Variants in TMEM266 observed in about 807,000 individuals in gnomAD.
TMEM266 encodes the protein transmembrane protein 266, also known as Hv1 related protein 1.
Under a neutral mutation model 50.5 loss-of-function variants are expected in TMEM266, and 33 were observed. The observed-to-expected ratio is 0.65, with a 90% confidence interval of 0.50 to 0.87. TMEM266 has a LOEUF of 0.87. TMEM266 is among the 40% of genes least tolerant of loss of function. The pLI is 0.00. For missense variants in TMEM266, 655 were observed against 695.1 expected (o/e 0.94, Z 0.65); for synonymous variants, 310 against 292.3 (o/e 1.06, Z -0.62).
At chr15:76,181,932 C>A (rs1277045827) in intron 8 of TMEM266, among the ~76,000 whole-genome samples, 1 of 152,182 alleles carries the variant, frequency 6.6e-6, no homozygotes, top group Non-Finnish European at 1.5e-5. Context: ...TATGATCTGA[C>A]CTGGCCCACT....
chr15:76,108,870 AC>A (rs1243137266), intron 1 of TMEM266, among the ~76,000 whole-genome samples: 1 of 152,220 alleles, frequency 6.6e-6, no homozygotes, highest in African/African-American at 2.4e-5. Flanking sequence ...AATTCAGGGT[AC>A]AAGTCTCCTA....
chr15:76,116,767 T>G (rs904375223), intron 1 of TMEM266, among the ~76,000 whole-genome samples: 1 of 152,196 alleles, frequency 6.6e-6, no homozygotes, highest in Non-Finnish European at 1.5e-5. Context: ...TATGTCATCC[T>G]GTAACCTGCT....
At chr15:76,070,577 C>T (rs1401334029) in intron 1 of TMEM266, among the ~76,000 whole-genome samples, 1 of 152,144 alleles carries the variant, frequency 6.6e-6, no homozygotes, top group East Asian at 1.9e-4. Context: ...CTAGGTACAG[C>T]TCAAGTACTC....
At chr15:76,138,222 CAAAAAAAAAAA>C (rs376580547) in intron 3 of TMEM266, among the ~76,000 whole-genome samples, 1 of 71,882 alleles carries the variant, frequency 1.4e-5, no homozygotes, top group South Asian at 6.9e-4. Flanking sequence ...AACTCTGTCT[CAAAAAAAAAAA>C]AAAAAAAAAA....
chr15:76,085,852 G>C (rs571294703), intron 1 of TMEM266, among the ~76,000 whole-genome samples: 1 of 152,118 alleles, frequency 6.6e-6, no homozygotes, highest in Non-Finnish European at 1.5e-5. Context: ...TTTGAGACCA[G>C]TCTGGCCAAC....
At chr15:76,183,871 C>G (rs1335146452) in intron 8 of TMEM266, among the ~76,000 whole-genome samples, 3 of 152,194 alleles carry the variant, frequency 2.0e-5, no homozygotes, top group Non-Finnish European at 4.4e-5. Flanking sequence ...CCCCCTCCAT[C>G]CCCTTCGCTG....
chr15:76,184,591 A>G (rs968783916), intron 8 of TMEM266, among the ~76,000 whole-genome samples: 17 of 152,276 alleles, frequency 1.1e-4, no homozygotes, highest in African/African-American at 4.1e-4. Flanking sequence ...AGGATGGAGC[A>G]GAATTACTGC....
intron 8 of TMEM266, among the ~76,000 whole-genome samples, chr15:76,188,958 T>C (rs2038527532): frequency 6.6e-6 from 1 of 152,106 alleles, no homozygotes; most frequent in South Asian, 2.1e-4. Context: ...AGGTGGAGGA[T>C]TGCTTGAGTC....
chr15:76,122,433 G>A (rs1182241946), intron 1 of TMEM266, among the ~76,000 whole-genome samples: 1 of 152,188 alleles, frequency 6.6e-6, no homozygotes, highest in Non-Finnish European at 1.5e-5. Flanking sequence ...AGTATGAAAA[G>A]TATTGAAGAA....
chr15:76,069,221 A>T (rs552681932), intron 1 of TMEM266, among the ~76,000 whole-genome samples: 8 of 152,290 alleles, frequency 5.3e-5, no homozygotes, highest in Admixed American at 1.3e-4. Context: ...TTGTAAGTCT[A>T]GTCAAGTAGG....
chr15:76,109,988 T>TTTTTC (rs529607469), intron 1 of TMEM266, among the ~76,000 whole-genome samples: 6 of 151,786 alleles, frequency 4.0e-5, no homozygotes, highest in East Asian at 1.9e-4. Context: ...TAAAAGTCAA[T>TTTTTC]TTTTCTTTTC....
intron 1 of TMEM266, among the ~76,000 whole-genome samples, chr15:76,128,935 A>G (rs1355961320): frequency 6.6e-6 from 1 of 152,198 alleles, no homozygotes; most frequent in Non-Finnish European, 1.5e-5. Context: ...TTAAACAACC[A>G]TAAGCACCTC....
intron 1 of TMEM266, among the ~76,000 whole-genome samples, chr15:76,118,958 G>A (rs2037294093): frequency 6.6e-6 from 1 of 152,144 alleles, no homozygotes; most frequent in Non-Finnish European, 1.5e-5. Flanking sequence ...GCCAAGGGGC[G>A]TTGTGCCACT....
intron 6 of TMEM266, among the ~76,000 whole-genome samples, 194 bp from the exon 7 acceptor site, chr15:76,170,799 C>A (rs534095086): frequency 6.6e-6 from 1 of 152,276 alleles, no homozygotes; most frequent in East Asian, 1.9e-4. Context: ...AGAGTGCATT[C>A]AGGAGAACGT....
At chr15:76,073,106 T>C (rs927617582) in intron 1 of TMEM266, among the ~76,000 whole-genome samples, 1 of 151,394 alleles carries the variant, frequency 6.6e-6, no homozygotes, top group Non-Finnish European at 1.5e-5. Context: ...TAATTTTGTA[T>C]TTTTAGTAGA....
In TMEM266 at chr15:76,160,311, T is replaced by C. The variant is rs1567171450; in HGVS notation, c.456+143T>C. 2.3e-6 allele frequency: 2 copies of C among 869,882 alleles called. No homozygotes were observed. Among genetic ancestry groups the C allele is most frequent in the African/African-American group, 1.7e-5 (1 of 59,698 alleles). The allele number at this position is 869,882 out of a possible 1,614,324, so 53.9% of individuals were successfully genotyped here. A position where few individuals can be genotyped will look rare whatever the true frequency, so the allele number is the denominator to read the frequency against. On this transcript the variant is annotated intron_variant, in intron 5 of 10. Coordinates refer to ENST00000388942, the MANE Select transcript of TMEM266 (RefSeq NM_152335.3). This position sits in a 1 kb window ranked among gnomAD's most constrained non-coding sequence, Gnocchi z 5.7. ...TGCTGGGAGGGAGACACAATATAGATAGATGATCTCTGCGGGGGGAAGTGG... is the reference window on the plus strand; with the variant it reads ...TGCTGGGAGGGAGACACAATATAGACAGATGATCTCTGCGGGGGGAAGTGG...
At chr15:76,066,996 G>A (rs2036436053) in intron 1 of TMEM266, among the ~76,000 whole-genome samples, 1 of 152,016 alleles carries the variant, frequency 6.6e-6, no homozygotes, top group African/African-American at 2.4e-5. Flanking sequence ...CGTCCCCAGT[G>A]GTGACAACCA....
chr15:76,196,412 C>T (rs2038657242), intron 9 of TMEM266, among the ~76,000 whole-genome samples: 2 of 152,206 alleles, frequency 1.3e-5, no homozygotes, highest in African/African-American at 2.4e-5. Flanking sequence ...ACATGATTCA[C>T]AGCCTCGCAT....
intron 1 of TMEM266, among the ~76,000 whole-genome samples, chr15:76,133,574 G>A (rs1204639450): frequency 1.3e-5 from 2 of 152,152 alleles, no homozygotes; most frequent in Non-Finnish European, 2.9e-5. Flanking sequence ...CCATTTTTCA[G>A]GTGGGGAAAC....
Sources: allele counts gnomAD v4.1 joint callset (sites outside exome capture counted in the v4.1 genomes callset), GRCh38; gene constraint gnomAD v4.1.1; non-coding constraint Gnocchi (gnomAD v3.1); transcripts MANE v1.5; gene names NCBI Gene and HGNC (gene_info 2026-07-23, HGNC 2026-07-21).